The following ZFAT variants were observed in gnomAD, a reference collection of about 807,000 sequenced individuals.
The protein encoded by ZFAT is zinc finger and AT-hook domain containing, also known as zinc finger protein ZFAT.
Under a neutral mutation model 117.7 loss-of-function variants are expected in ZFAT, and 64 were observed. The observed-to-expected ratio is 0.54, with a 90% CI of 0.44 to 0.67. ZFAT has a LOEUF of 0.67. ZFAT is among the 30% of genes least tolerant of loss of function. ZFAT has a pLI of 0.00. For missense variants in ZFAT, 1,433 were observed against 1,584.5 expected (o/e 0.90, Z 1.62); for synonymous variants, 679 against 615.0 (o/e 1.10, Z -1.54).
In ZFAT at chr8:134,602,211, G is replaced by C; in HGVS notation, c.1508C>G (p.Pro503Arg). The C allele has an allele frequency of 2.5e-6, 4 of 1,613,610 alleles. No individual in the cohort carries two copies. Among genetic ancestry groups the C allele is most frequent in the Non-Finnish European group, 3.4e-6 (4 of 1,180,026 alleles). ...AGCTTCTTGCTGGATGTCCCCACCAGGTTCCAGGAGGCAGAAGCTCTGGTT... is the reference window on the plus strand; with the variant it reads ...AGCTTCTTGCTGGATGTCCCCACCACGTTCCAGGAGGCAGAAGCTCTGGTT... ...SINQSFCLLE[P>R]GGDIQQEALG... Residue 503 changes from proline (P) to arginine (R), a missense_variant, in exon 6 of 16, where the codon CCT becomes CGT. Pro to Arg is a moderately radical substitution (Grantham distance 103). Coordinates refer to ENST00000377838, the MANE Select transcript of ZFAT (RefSeq NM_020863.4).
At chr8:134,748,170 C>T in the ZFAT span, among the ~76,000 whole-genome samples, 1 of 152,124 alleles carries the variant, frequency 6.6e-6, no homozygotes, top group Non-Finnish European at 1.5e-5. Flanking sequence ...GGCCAAGAAA[C>T]AGAACATTAA....
At chr8:134,780,429 C>T in the ZFAT span, among the ~76,000 whole-genome samples, 1 of 152,206 alleles carries the variant, frequency 6.6e-6, no homozygotes, top group Admixed American at 6.5e-5. Context: ...CTTTCAAGTT[C>T]CACCTGCTGC....
chr8:134,489,741 G>A (rs1420730476), intron 15 of ZFAT, among the ~76,000 whole-genome samples: 1 of 152,152 alleles, frequency 6.6e-6, no homozygotes, highest in Admixed American at 6.5e-5. Context: ...TGTATGTCTA[G>A]ACCAAACCCT....
chr8:134,782,414 A>G, the ZFAT span, among the ~76,000 whole-genome samples: 2 of 152,238 alleles, frequency 1.3e-5, no homozygotes, highest in Admixed American at 1.3e-4. Flanking sequence ...TGCTGTCTTT[A>G]AGAATTCACC....
chr8:134,791,771 C>T, the ZFAT span, among the ~76,000 whole-genome samples: 1 of 152,062 alleles, frequency 6.6e-6, no homozygotes, highest in Non-Finnish European at 1.5e-5. Context: ...AGCAAAAAAA[C>T]TATGTTTCTC....
chr8:134,669,682 A>G (rs2131258016), intron 1 of ZFAT, among the ~76,000 whole-genome samples: 1 of 152,366 alleles, frequency 6.6e-6, no homozygotes, highest in African/African-American at 2.4e-5. Context: ...TGCTAGGAAG[A>G]AACTGCATCA....
chr8:134,560,053 T>A lies in ZFAT; in HGVS notation c.2976+5280A>T, dbSNP rs530947715. On this transcript the variant is annotated intron_variant, in intron 11 of 15. Transcript: ENST00000377838. ...CATCTAACAAATATGCTGAGAGAAA[T>A]CTAGCATAGTTTCCTAGAATGAATG... 9.9e-3 allele frequency among the ~76,000 whole-genome samples: 1,503 copies of A among 152,280 alleles called. 24 individuals are homozygous for A. Among genetic ancestry groups the A allele is most frequent in the African/African-American group, 0.034 (1,427 of 41,548 alleles).
chr8:134,724,509 G>C, the ZFAT span, among the ~76,000 whole-genome samples: 1 of 152,220 alleles, frequency 6.6e-6, no homozygotes, highest in South Asian at 2.1e-4. Flanking sequence ...GCTTAAAGAG[G>C]TGCTATTTAC....
chr8:134,800,695 T>G, the ZFAT span: 1 of 376,732 alleles, frequency 2.7e-6, no homozygotes, highest in Non-Finnish European at 5.4e-6. Flanking sequence ...AGCATTCACA[T>G]AAATGAGGCA....
At chr8:134,806,494 G>GA in the ZFAT span, among the ~76,000 whole-genome samples, 2 of 152,084 alleles carry the variant, frequency 1.3e-5, no homozygotes, top group Admixed American at 1.3e-4. Context: ...TTTAAATCAG[G>GA]AAAAAAATAG....
In ZFAT at chr8:134,545,683, T is replaced by C. The variant is rs1822644192; in HGVS notation, c.2977-12711A>G. ...GTGTTTTACTGGCAAAAACCACAAT[T>C]ACTTTTGCACCAACCTAATAATTGT... is the stretch of plus-strand genomic sequence containing the variant. On this transcript the variant is annotated intron_variant, in intron 11 of 15. Transcript: ENST00000377838. Among the ~76,000 whole-genome samples the C allele has an allele frequency of 2.6e-5, 4 of 152,194 alleles. No individual in the cohort carries two copies. The South Asian group carries it at 8.3e-4, about 32-fold the overall frequency.
At chr8:134,603,097 G>A (rs896755798) in intron 5 of ZFAT, among the ~76,000 whole-genome samples, 164 bp from the exon 6 acceptor site, 5 of 152,194 alleles carry the variant, frequency 3.3e-5, no homozygotes, top group Non-Finnish European at 5.9e-5. Flanking sequence ...CAGAGGGCTC[G>A]TGTGTGCCAT....
intron 3 of ZFAT, among the ~76,000 whole-genome samples, chr8:134,632,393 G>C (rs1829948696): frequency 6.6e-6 from 1 of 152,196 alleles, no homozygotes; most frequent in Admixed American, 6.5e-5. Flanking sequence ...TACTAGTTAA[G>C]TTTGAGGAGA....
intron 15 of ZFAT, among the ~76,000 whole-genome samples, chr8:134,507,873 T>G (rs1041330161): frequency 1.3e-5 from 2 of 152,168 alleles, no homozygotes; most frequent in African/African-American, 4.8e-5. Flanking sequence ...AGAGAGACCC[T>G]TCCTAAAGTA....
At chr8:134,657,388 T>TA (rs1831671944) in intron 2 of ZFAT, among the ~76,000 whole-genome samples, 173 bp downstream of exon 2, 2 of 152,210 alleles carry the variant, frequency 1.3e-5, no homozygotes, top group African/African-American at 4.8e-5. Flanking sequence ...TACAGGGGGC[T>TA]AGGTATGGGA....
chr8:134,511,103 G>C (rs1488653885), intron 14 of ZFAT: 1 of 152,346 alleles, frequency 6.6e-6, no homozygotes, highest in Non-Finnish European at 1.5e-5. Context: ...CCCAGGAATG[G>C]GGTGGCAAGA....
chr8:134,747,427 G>A, the ZFAT span, among the ~76,000 whole-genome samples: 1 of 152,084 alleles, frequency 6.6e-6, no homozygotes, highest in Non-Finnish European at 1.5e-5. Flanking sequence ...CCTTGTTTAA[G>A]CATCCTTTCT....
intron 1 of ZFAT, among the ~76,000 whole-genome samples, chr8:134,682,739 G>A (rs1423273209): frequency 6.6e-6 from 1 of 152,130 alleles, no homozygotes; most frequent in Non-Finnish European, 1.5e-5. Context: ...AACTGGGCAG[G>A]CTGGATGTTA....
the ZFAT span, among the ~76,000 whole-genome samples, chr8:134,727,710 C>T: frequency 6.6e-6 from 1 of 151,968 alleles, no homozygotes. Flanking sequence ...TGTAAAGGGC[C>T]AGATAGTAAA....
Sources: gnomAD v4.1 joint callset for allele counts (sites outside exome capture counted in the v4.1 genomes callset) on GRCh38, gnomAD v4.1.1 for gene constraint, MANE v1.5 for transcripts, NCBI Gene and HGNC (gene_info 2026-07-23, HGNC 2026-07-21) for gene names.